TCF4: variants seen among roughly 807,000 people sequenced by gnomAD.
The protein encoded by TCF4 is transcription factor 4.
Under a neutral mutation model 82.1 loss-of-function variants are expected in TCF4, and 3 were observed. The observed-to-expected ratio is 0.04, with a 90% CI of 0.02 to 0.09. The LOEUF is 0.09. Ranked by LOEUF, TCF4 falls within the 10% of genes least tolerant of loss-of-function variation. TCF4 has a pLI of 1.00. For synonymous variants in TCF4, 276 were observed against 309.6 expected (o/e 0.89, Z 1.14); for missense variants, 518 against 852.7 (o/e 0.61, Z 4.89).
rs1569192843 is a variant in TCF4, at chr18:55,362,438, A to AGGAAGGAAGGAAGG, written c.370-11436_370-11435insCCTTCCTTCCTTCC. On this transcript the variant is annotated intron_variant, in intron 6 of 19. Coordinates refer to ENST00000354452, the MANE Select transcript of TCF4 (RefSeq NM_001083962.2). ...GGAAGGAAGGAAGGAAGGAAGGAAA[A>AGGAAGGAAGGAAGG]AAAAAAAGAAGAAAACATGTATCTG... Among the ~76,000 whole-genome samples, 113 of 124,588 alleles carry AGGAAGGAAGGAAGG rather than the reference A, an allele frequency of 9.1e-4. 2 individuals carry two copies. The highest frequency in any genetic ancestry group is 3.7e-3 in the African/African-American group (106 of 28,422). 81.7% of individuals were successfully genotyped at this position (124,588 alleles called of 152,430 possible).
chr18:55,406,736 G>A (rs951345003), intron 5 of TCF4, among the ~76,000 whole-genome samples: 1 of 152,046 alleles, frequency 6.6e-6, no homozygotes, highest in East Asian at 1.9e-4. Flanking sequence ...TTCACCACCC[G>A]CCTCCCCCCA....
intron 6 of TCF4, among the ~76,000 whole-genome samples, chr18:55,374,232 T>TA (rs561839047): frequency 3.5e-4 from 53 of 151,062 alleles, no homozygotes; most frequent in Non-Finnish European, 6.8e-4. Flanking sequence ...ACATACAATA[T>TA]AAAAAGCTAG....
chr18:55,597,428 G>C (rs2097692189), intron 2 of TCF4, among the ~76,000 whole-genome samples: 1 of 152,062 alleles, frequency 6.6e-6, no homozygotes, highest in African/African-American at 2.4e-5. Context: ...GGTTAAAAAG[G>C]CTGAGGTGGG....
chr18:55,401,115 AT>A, intron 6 of TCF4: 1 of 1,288,952 alleles, frequency 7.8e-7, no homozygotes, highest in Non-Finnish European at 1.0e-6. Context: ...GTAGACAGGG[AT>A]TCAAATAACA....
At chr18:55,455,302 C>T (rs960653975) in intron 5 of TCF4, among the ~76,000 whole-genome samples, 3 of 150,894 alleles carry the variant, frequency 2.0e-5, no homozygotes, top group Non-Finnish European at 2.9e-5. Context: ...CTTAGCTCAA[C>T]AATCAAGATT....
rs1401625228 is a variant in TCF4 at position 55,628,038 on chromosome 18, C to T, written c.286+3260G>A. 2.6e-5 allele frequency among the ~76,000 whole-genome samples: 4 copies of T among 152,146 alleles called. No individual in the cohort carries two copies. The South Asian group carries it at 6.2e-4, about 24-fold the overall frequency. On this transcript the variant is annotated intron_variant, in intron 2 of 20. Transcript: ENST00000398339. ...TCGCGCCACTGCACTCCAGCCTGTGCGACAGAGCGAGACTGTCTAAAAAAC... is the reference window on the plus strand; with the variant it reads ...TCGCGCCACTGCACTCCAGCCTGTGTGACAGAGCGAGACTGTCTAAAAAAC...
At chr18:55,263,469 A>G (rs1413462905) in intron 11 of TCF4, among the ~76,000 whole-genome samples, 2 of 152,082 alleles carry the variant, frequency 1.3e-5, no homozygotes, top group Non-Finnish European at 2.9e-5. Context: ...AACTAAAAAC[A>G]TGGATTGCAG....
At chr18:55,426,100 T>TAC (rs1491500526) in intron 5 of TCF4, among the ~76,000 whole-genome samples, 1 of 89,308 alleles carries the variant, frequency 1.1e-5, no homozygotes, top group Non-Finnish European at 2.1e-5. Context: ...CAAAAAATTT[T>TAC]ATATATATAT....
At chr18:55,583,729 TTTAAG>T (rs1373574868) in intron 3 of TCF4, among the ~76,000 whole-genome samples, 10 of 151,900 alleles carry the variant, frequency 6.6e-5, no homozygotes, top group African/African-American at 9.7e-5. Context: ...AATACACATT[TTTAAG>T]TTAAGTCATA....
At chr18:55,613,169 T>C (rs189451638) in intron 2 of TCF4, among the ~76,000 whole-genome samples, 1 of 149,654 alleles carries the variant, frequency 6.7e-6, no homozygotes, top group Admixed American at 6.6e-5. Flanking sequence ...TATGCTTTGA[T>C]ATATATATAT....
At chr18:55,562,314 T>C (rs2097362047) in intron 3 of TCF4, among the ~76,000 whole-genome samples, 1 of 152,218 alleles carries the variant, frequency 6.6e-6, no homozygotes, top group Non-Finnish European at 1.5e-5. Context: ...ATTTTCATTT[T>C]TAAAAAATGT....
chr18:55,439,182 G>A (rs1231772445), intron 5 of TCF4, among the ~76,000 whole-genome samples: 2 of 152,172 alleles, frequency 1.3e-5, no homozygotes, highest in African/African-American at 4.8e-5. Flanking sequence ...AGGTTGAGGG[G>A]TTTGCAAATT....
At chr18:55,467,571 G>T (rs1176177845) in intron 3 of TCF4, among the ~76,000 whole-genome samples, 1 of 152,148 alleles carries the variant, frequency 6.6e-6, no homozygotes, top group East Asian at 1.9e-4. Context: ...ACCAACAGCA[G>T]CCTCTCTCAC....
intron 5 of TCF4, among the ~76,000 whole-genome samples, chr18:55,448,005 T>G (rs1324314704): frequency 1.1e-4 from 9 of 83,144 alleles, no homozygotes; most frequent in Non-Finnish European, 1.7e-4. Context: ...GGGGATGATA[T>G]GGGGGGGGAG....
intron 15 of TCF4, among the ~76,000 whole-genome samples, chr18:55,235,311 CA>C (rs1214470333): frequency 6.6e-6 from 1 of 152,000 alleles, no homozygotes; most frequent in African/African-American, 2.4e-5. Flanking sequence ...GTTCCAAATC[CA>C]AAGGGGGATG....
chr18:55,279,500 C>A (rs892098178), intron 9 of TCF4, 51 bp downstream of exon 9: 5 of 1,612,294 alleles, frequency 3.1e-6, no homozygotes, highest in Non-Finnish European at 1.7e-6. Context: ...ATTAAGTGAC[C>A]CAGGAAAATG....
At chr18:55,467,341 C>T (rs544875215) in intron 3 of TCF4, among the ~76,000 whole-genome samples, 1 of 152,302 alleles carries the variant, frequency 6.6e-6, no homozygotes, top group Admixed American at 6.5e-5. Flanking sequence ...CAGTGCACCA[C>T]CAAGTGCATT....
At chr18:55,457,913 T>C (rs2095797559) in intron 5 of TCF4, among the ~76,000 whole-genome samples, 1 of 152,202 alleles carries the variant, frequency 6.6e-6, no homozygotes, top group African/African-American at 2.4e-5. Flanking sequence ...ATACTAGCAA[T>C]GCCTGTTATC....
At chr18:55,491,957 C>A (rs568823897) in intron 3 of TCF4, among the ~76,000 whole-genome samples, 28 of 152,174 alleles carry the variant, frequency 1.8e-4, no homozygotes, top group Non-Finnish European at 3.7e-4. Context: ...ATTTTGGAAT[C>A]ATAGAAATTC....
Sources: gnomAD v4.1 joint callset for allele counts (sites outside exome capture counted in the v4.1 genomes callset) on GRCh38, gnomAD v4.1.1 for gene constraint, MANE v1.5 for transcripts, NCBI Gene and HGNC (gene_info 2026-07-23, HGNC 2026-07-21) for gene names.